The following MAP3K3 variants were observed in gnomAD, a reference collection of about 807,000 sequenced individuals.
MAP3K3 encodes the protein MAP/ERK kinase kinase 3.
In MAP3K3, 12 loss-of-function variants were observed where a neutral mutation model predicts 80.9. That is an observed-to-expected ratio of 0.15 (90% CI 0.10 to 0.24). MAP3K3 has a LOEUF of 0.24. MAP3K3 is among the 10% of genes least tolerant of loss of function. The probability of loss-of-function intolerance (pLI) is 1.00; values close to 1 mark genes in which losing one functional copy is unlikely to be tolerated. For synonymous variants in MAP3K3, 272 were observed against 307.1 expected, an observed-to-expected ratio of 0.89 and a Z score of 1.19; for missense variants, 596 against 834.7, an observed-to-expected ratio of 0.71 and a Z score of 3.52.
intron 6 of MAP3K3, 46 bp from the exon 7 acceptor site, chr17:63,681,720 A>G: frequency 1.5e-6 from 2 of 1,365,592 alleles, no homozygotes; most frequent in Non-Finnish European, 1.9e-6. Flanking sequence ...CTCTTGGGCC[A>G]CACACCCTGG....
At chr17:63,657,697 G>T in intron 4 of MAP3K3, 97 bp from the exon 5 acceptor site, 3 of 555,196 alleles carry the variant, frequency 5.4e-6, no homozygotes, top group Non-Finnish European at 9.7e-6. Context: ...TCCTCCAAAT[G>T]TATTTTTATT....
intron 6 of MAP3K3, among the ~76,000 whole-genome samples, chr17:63,675,533 C>T (rs903411985): frequency 3.3e-5 from 5 of 152,164 alleles, no homozygotes; most frequent in Non-Finnish European, 4.4e-5. Flanking sequence ...CTACCATATC[C>T]GAGGGTGAGA....
intron 3 of MAP3K3, among the ~76,000 whole-genome samples, chr17:63,648,102 G>C (rs1704362433): frequency 6.6e-6 from 1 of 152,146 alleles, no homozygotes; most frequent in African/African-American, 2.4e-5. Flanking sequence ...TGGTTGCATG[G>C]GTGTTAGACC....
chr17:63,625,823 G>C (rs1257815220), intron 1 of MAP3K3, among the ~76,000 whole-genome samples: 3 of 152,194 alleles, frequency 2.0e-5, no homozygotes, highest in Admixed American at 6.5e-5. Flanking sequence ...TATAATCCCA[G>C]CACTTTGGGA....
chr17:63,651,537 TAGAC>T (rs1598082383), intron 3 of MAP3K3, among the ~76,000 whole-genome samples: 1 of 152,202 alleles, frequency 6.6e-6, no homozygotes, highest in Non-Finnish European at 1.5e-5. Flanking sequence ...CACACAAAAG[TAGAC>T]AGAGTATTAA....
intron 2 of MAP3K3, among the ~76,000 whole-genome samples, chr17:63,633,828 CT>C (rs2034265682): frequency 6.6e-6 from 1 of 152,146 alleles, no homozygotes; most frequent in Non-Finnish European, 1.5e-5. Flanking sequence ...GACATTCTCC[CT>C]TTTGGTTCTG....
intron 7 of MAP3K3, among the ~76,000 whole-genome samples, chr17:63,684,171 A>G (rs1428246551): frequency 2.0e-5 from 3 of 152,136 alleles, no homozygotes; most frequent in Non-Finnish European, 2.9e-5. Context: ...ATGCTAGCAC[A>G]ATGTAACGTC....
intron 8 of MAP3K3, among the ~76,000 whole-genome samples, chr17:63,686,211 G>A (rs2035446296): frequency 6.6e-6 from 1 of 152,166 alleles, no homozygotes; most frequent in South Asian, 2.1e-4. Context: ...GTCTGTCTGG[G>A]CTTAGGACTG....
At chr17:63,629,280 G>A (rs559365426) in intron 1 of MAP3K3, among the ~76,000 whole-genome samples, 2 of 152,024 alleles carry the variant, frequency 1.3e-5, no homozygotes, top group South Asian at 2.1e-4. Flanking sequence ...ACACCACCAC[G>A]CGCAGTTAAT....
At chr17:63,665,251 C>T (rs745463659) in intron 5 of MAP3K3, among the ~76,000 whole-genome samples, 4 of 151,958 alleles carry the variant, frequency 2.6e-5, no homozygotes, top group East Asian at 2.0e-4. Context: ...CTGCAAGCTC[C>T]GCCTCCCAGG....
At chr17:63,671,246 T>G (rs911258335) in intron 6 of MAP3K3, among the ~76,000 whole-genome samples, 1 of 148,274 alleles carries the variant, frequency 6.7e-6, no homozygotes, top group Non-Finnish European at 1.5e-5. Flanking sequence ...ACCCTGTGAG[T>G]TCAAAATTAT....
intron 3 of MAP3K3, 100 bp from the exon 4 acceptor site, chr17:63,652,457 C>A: frequency 1.3e-6 from 1 of 770,882 alleles, no homozygotes; most frequent in South Asian, 1.6e-5. Flanking sequence ...AAACAGAATC[C>A]TATGTTGAGA....
Position 63,693,075 on chromosome 17 carries a change from A to G in MAP3K3, c.1653-474A>G, listed in dbSNP as rs1047012267. On this transcript the variant is annotated intron_variant, in intron 15 of 15. Transcript: ENST00000361733. This position sits in a 1 kb window ranked among gnomAD's most constrained non-coding sequence, Gnocchi z 4.2. ...GGAGTAATACAAGGAGGGGACCATG[A>G]GCCACGAAATGCAGGTGGCCTCTAG... is the stretch of plus-strand genomic sequence containing the variant. Among the ~76,000 whole-genome samples, 8 of 152,176 alleles carry G rather than the reference A, an allele frequency of 5.3e-5. No homozygotes were observed. Among genetic ancestry groups the G allele is most frequent in the African/African-American group, 1.9e-4 (8 of 41,438 alleles).
At chr17:63,645,465 C>T (rs2034523606) in intron 2 of MAP3K3, among the ~76,000 whole-genome samples, 1 of 152,174 alleles carries the variant, frequency 6.6e-6, no homozygotes, top group South Asian at 2.1e-4. Context: ...GATAGTGGTA[C>T]CAGTGGCAGC....
At chr17:63,676,658 A>G (rs926619972) in intron 6 of MAP3K3, among the ~76,000 whole-genome samples, 1 of 152,222 alleles carries the variant, frequency 6.6e-6, no homozygotes, top group African/African-American at 2.4e-5. Flanking sequence ...CACATTGTGG[A>G]TTATGGAATC....
Position 63,691,264 on chromosome 17 carries a change from A to G in MAP3K3, c.1344+31A>G. 6.2e-7 allele frequency: 1 copy of G among 1,613,662 alleles called. No individual in the cohort carries two copies. Among genetic ancestry groups the G allele is most frequent in the Non-Finnish European group, 8.5e-7 (1 of 1,179,892 alleles). On this transcript the variant is annotated intron_variant, in intron 13 of 15. Transcript: ENST00000361733. This position sits in a 1 kb window ranked among gnomAD's most constrained non-coding sequence, Gnocchi z 4.8. ...TGCCCCTTGAATGCATGTGAGACAC[A>G]CACAAAAGAGGGCCTGACCTGGGGG...
chr17:63,633,710 A>G (rs1219044645), intron 2 of MAP3K3, among the ~76,000 whole-genome samples: 2 of 152,162 alleles, frequency 1.3e-5, no homozygotes, highest in Admixed American at 6.5e-5. Flanking sequence ...TTTCCTGGGT[A>G]CTTTGTTCTG....
chr17:63,625,664 C>T (rs549017265), intron 1 of MAP3K3, among the ~76,000 whole-genome samples: 18 of 152,256 alleles, frequency 1.2e-4, no homozygotes, highest in African/African-American at 4.3e-4. Flanking sequence ...CCTATGTAGA[C>T]TCTGAATAGT....
At chr17:63,670,456 G>A (rs866433915) in intron 6 of MAP3K3, among the ~76,000 whole-genome samples, 1 of 151,966 alleles carries the variant, frequency 6.6e-6, no homozygotes, top group Admixed American at 6.6e-5. Flanking sequence ...GATGGTGAGT[G>A]CCTCTAGTCC....
Sources: allele counts gnomAD v4.1 joint callset (sites outside exome capture counted in the v4.1 genomes callset), GRCh38; gene constraint gnomAD v4.1.1; non-coding constraint Gnocchi (gnomAD v3.1); transcripts MANE v1.5; gene names NCBI Gene and HGNC (gene_info 2026-07-23, HGNC 2026-07-21).